Variants in SNCAIP observed in about 807,000 individuals in gnomAD.
SNCAIP encodes synuclein alpha interacting protein.
SNCAIP carries 43 observed loss-of-function variants against 86.7 expected under a neutral mutation model. The observed-to-expected ratio is 0.50, with a 90% CI of 0.39 to 0.64. The LOEUF (loss-of-function observed/expected upper bound fraction) is 0.64. Ranked by LOEUF, SNCAIP falls within the 30% of genes least tolerant of loss-of-function variation. The probability of loss-of-function intolerance (pLI) is 0.00; values close to 1 mark genes in which losing one functional copy is unlikely to be tolerated. For missense variants in SNCAIP, 981 were observed against 1,103.1 expected (o/e 0.89, Z 1.57); for synonymous variants, 417 against 427.2 (o/e 0.98, Z 0.29).
At chr5:122,311,712 A>G (rs142836198), upstream of SNCAIP, 1,139 of 152,824 alleles carry the variant, frequency 7.5e-3, 29 homozygotes, top group Admixed American at 0.032. Context: ...CGCGGACAAA[A>G]AGTAGGCGGG....
intron 2 of SNCAIP, among the ~76,000 whole-genome samples, chr5:122,400,311 G>A (rs1771527924): frequency 6.6e-6 from 1 of 152,194 alleles, no homozygotes; most frequent in Non-Finnish European, 1.5e-5. Flanking sequence ...ATTTCAGAAA[G>A]CTAATTAATT....
Position 122,451,045 on chromosome 5 carries a change from T to G in SNCAIP, c.2198T>G (p.Phe733Cys), listed in dbSNP as rs1783598192. Residue 733 changes from phenylalanine to cysteine, a missense_variant, in exon 10 of 11, where the codon TTT (phenylalanine) becomes TGT (cysteine). Transcript: ENST00000261368. ...KHTLASGGRR[F>C]PFSIKASKSL... ...ACCTTGGCATCAGGGGGACGCAGGTTTCCTTTCAGCATCAAGGCCTCCAAA... is the reference window on the plus strand; with the variant it reads ...ACCTTGGCATCAGGGGGACGCAGGTGTCCTTTCAGCATCAAGGCCTCCAAA... 2 of 1,614,038 alleles carry G rather than the reference T, an allele frequency of 1.2e-6. No individual in the cohort carries two copies. The highest frequency in any genetic ancestry group is 2.2e-5 in the South Asian group (2 of 91,076).
intron 7 of SNCAIP, among the ~76,000 whole-genome samples, chr5:122,442,728 C>T (rs1288648001): frequency 6.6e-6 from 1 of 152,158 alleles, no homozygotes; most frequent in Non-Finnish European, 1.5e-5. Context: ...AGAAAGCCAG[C>T]TGATATCACT....
intron 2 of SNCAIP, among the ~76,000 whole-genome samples, chr5:122,402,997 A>C (rs1450204094): frequency 6.6e-6 from 1 of 152,102 alleles, no homozygotes; most frequent in Non-Finnish European, 1.5e-5. Context: ...ATTTTAAAAC[A>C]CCCTCCTCTA....
At chr5:122,366,298 G>A (rs545339478) in intron 1 of SNCAIP, among the ~76,000 whole-genome samples, 1 of 152,328 alleles carries the variant, frequency 6.6e-6, no homozygotes, top group South Asian at 2.1e-4. Context: ...CTGCTGAACA[G>A]TTACAGGAGC....
chr5:122,447,157 C>G (rs1782502592), intron 8 of SNCAIP, among the ~76,000 whole-genome samples: 1 of 152,160 alleles, frequency 6.6e-6, no homozygotes, highest in Admixed American at 6.5e-5. Flanking sequence ...CAAAGAATGC[C>G]AAAGACTGCC....
rs1786967592 is a variant in SNCAIP at position 122,463,443 on chromosome 5, T to A, written c.2755-48T>A. 3.6e-6 allele frequency: 4 copies of A among 1,098,362 alleles called. No homozygotes were observed. In the South Asian group the frequency reaches 5.0e-5, roughly 14 times the overall value. The allele number at this position is 1,098,362 out of a possible 1,614,324, so 68.0% of individuals were successfully genotyped here. ...TGTTTAGTGGTATTGTCTTGTAACTTGACCATAGTTTTATCTAATTTTGGC... is the reference window on the plus strand; with the variant it reads ...TGTTTAGTGGTATTGTCTTGTAACTAGACCATAGTTTTATCTAATTTTGGC... On this transcript the variant is annotated intron_variant, in intron 10 of 10. Coordinates refer to ENST00000261368, the MANE Select transcript of SNCAIP (RefSeq NM_005460.4).
intron 1 of SNCAIP, among the ~76,000 whole-genome samples, chr5:122,370,377 C>A (rs1764046362): frequency 6.6e-6 from 1 of 151,278 alleles, no homozygotes. Flanking sequence ...TTTTATATTT[C>A]TTATACATGT....
At chr5:122,313,439 C>T (rs1170003470) in intron 1 of SNCAIP, among the ~76,000 whole-genome samples, 1 of 152,236 alleles carries the variant, frequency 6.6e-6, no homozygotes, top group Non-Finnish European at 1.5e-5. Context: ...TATGTCAGTT[C>T]TCCAAGGTGT....
intron 4 of SNCAIP, among the ~76,000 whole-genome samples, 187 bp from the exon 5 acceptor site, chr5:122,425,165 C>A (rs369536428): frequency 6.6e-6 from 1 of 152,138 alleles, no homozygotes; most frequent in African/African-American, 2.4e-5. Context: ...ATCTGTCTCT[C>A]GAGAACTCAT....
At chr5:122,451,744 C>G in intron 10 of SNCAIP, 143 bp downstream of exon 10, 1 of 646,632 alleles carries the variant, frequency 1.5e-6, no homozygotes, top group Non-Finnish European at 2.7e-6. Flanking sequence ...AAGCCAACTT[C>G]ATGTGTCTAA....
intron 1 of SNCAIP, among the ~76,000 whole-genome samples, chr5:122,315,000 T>C (rs1751411283): frequency 1.3e-5 from 2 of 152,266 alleles, no homozygotes; most frequent in Admixed American, 1.3e-4. Flanking sequence ...GTGCCTAAGA[T>C]GCTAAATAGT....
At chr5:122,364,900 G>T (rs1478216069) in intron 1 of SNCAIP, among the ~76,000 whole-genome samples, 3 of 152,142 alleles carry the variant, frequency 2.0e-5, no homozygotes, top group African/African-American at 4.8e-5. Flanking sequence ...AATTGTGAGA[G>T]ATAATCCTAA....
intron 1 of SNCAIP, among the ~76,000 whole-genome samples, chr5:122,355,150 A>G (rs1198606518): frequency 1.3e-5 from 2 of 152,234 alleles, no homozygotes; most frequent in African/African-American, 4.8e-5. Flanking sequence ...TTCCTATTGC[A>G]TGTCCACAGG....
intron 1 of SNCAIP, among the ~76,000 whole-genome samples, chr5:122,352,338 T>C (rs1014319287): frequency 6.6e-6 from 1 of 152,230 alleles, no homozygotes; most frequent in Non-Finnish European, 1.5e-5. Flanking sequence ...ACAGCTTTTC[T>C]TATATTATTA....
chr5:122,357,302 C>A (rs1381518009), intron 1 of SNCAIP, among the ~76,000 whole-genome samples: 1 of 152,074 alleles, frequency 6.6e-6, no homozygotes, highest in Non-Finnish European at 1.5e-5. Context: ...GTGGCGTGAT[C>A]TCGGCTCACT....
chr5:122,326,479 A>G (rs1239680304), intron 1 of SNCAIP, among the ~76,000 whole-genome samples: 1 of 152,054 alleles, frequency 6.6e-6, no homozygotes, highest in African/African-American at 2.4e-5. Flanking sequence ...ACTTCTTTCC[A>G]TTTGATAATA....
chr5:122,358,455 T>A (rs1433172352), intron 1 of SNCAIP, among the ~76,000 whole-genome samples: 1 of 149,332 alleles, frequency 6.7e-6, no homozygotes, highest in Non-Finnish European at 1.5e-5. Flanking sequence ...ATTGTTCACC[T>A]TGTGTCCTTA....
intron 10 of SNCAIP, among the ~76,000 whole-genome samples, chr5:122,457,869 G>A (rs568140928): frequency 6.6e-6 from 1 of 152,298 alleles, no homozygotes; most frequent in Admixed American, 6.5e-5. Flanking sequence ...AGAATTACAG[G>A]GAATTGTTGC....
Sources: allele counts gnomAD v4.1 joint callset (sites outside exome capture counted in the v4.1 genomes callset), GRCh38; gene constraint gnomAD v4.1.1; transcripts MANE v1.5; gene names NCBI Gene and HGNC (gene_info 2026-07-23, HGNC 2026-07-21).